DLGAP2: variants seen among roughly 807,000 people sequenced by gnomAD.
DLGAP2 encodes disks large-associated protein 2.
A neutral mutation model predicts 100.3 loss-of-function variants in DLGAP2; 26 were observed. The ratio of observed to expected loss-of-function variants is 0.26; its 90% CI spans 0.19 to 0.36. DLGAP2 has a LOEUF of 0.36. Ranked by LOEUF, DLGAP2 falls within the 10% of genes least tolerant of loss-of-function variation. DLGAP2 has a pLI of 1.00. For missense variants in DLGAP2, 1,858 were observed against 1,453.2 expected (o/e 1.28, Z -4.53); for synonymous variants, 886 against 630.1 (o/e 1.41, Z -6.08).
intron 1 of DLGAP2, among the ~76,000 whole-genome samples, chr8:813,495 T>C (rs1240214680): frequency 6.6e-6 from 1 of 152,232 alleles, no homozygotes; most frequent in Non-Finnish European, 1.5e-5. Context: ...ACTCTGCTCT[T>C]CCAGGCACCC....
chr8:1,422,363 G>A (rs1364818903), intron 3 of DLGAP2, among the ~76,000 whole-genome samples: 1 of 152,152 alleles, frequency 6.6e-6, no homozygotes, highest in Non-Finnish European at 1.5e-5. Flanking sequence ...TCCACTGCAA[G>A]CGAAGTTACA....
chr8:1,088,052 C>T (rs1434935095), intron 2 of DLGAP2, among the ~76,000 whole-genome samples: 1 of 152,238 alleles, frequency 6.6e-6, no homozygotes, highest in Non-Finnish European at 1.5e-5. Flanking sequence ...TGCCTTCACA[C>T]CACTGCCAAA....
chr8:1,669,714 C>G, intron 9 of DLGAP2, 29 bp from the exon 10 acceptor site: 1 of 780,888 alleles, frequency 1.3e-6, no homozygotes, highest in African/African-American at 1.7e-5. Flanking sequence ...AACCAGGTCT[C>G]CACACTGTGG....
chr8:978,118 T>G (rs71516127), intron 2 of DLGAP2, among the ~76,000 whole-genome samples: 5,889 of 21,328 alleles, frequency 0.28, no homozygotes, highest in Admixed American at 0.31. Context: ...TGCAGTGAGG[T>G]GCTGGGTTCT....
chr8:958,493 G>A lies in DLGAP2; in HGVS notation c.73+50527G>A, dbSNP rs915463134. Reference sequence around the variant, plus strand: ...TTCTGTGGGGATGAGAGATGGAAGCGGCTCATTCAGACATCTTTCTGGAAT... The same window carrying A: ...TTCTGTGGGGATGAGAGATGGAAGCAGCTCATTCAGACATCTTTCTGGAAT... On this transcript the variant is annotated intron_variant, in intron 2 of 14. Transcript: ENST00000637795. 1.2e-4 allele frequency among the ~76,000 whole-genome samples: 18 copies of A among 151,332 alleles called. 1 individual carries two copies. Among genetic ancestry groups the A allele is most frequent in the East Asian group, 5.8e-4 (3 of 5,152 alleles).
chr8:982,275 C>A (rs36125806), intron 2 of DLGAP2, among the ~76,000 whole-genome samples: 43,121 of 152,206 alleles, frequency 0.28, 7,386 homozygotes, highest in Admixed American at 0.39. Context: ...TGCACATGAA[C>A]CCTTGGAACC....
At chr8:1,474,278 T>C (rs1316770536) in intron 3 of DLGAP2, among the ~76,000 whole-genome samples, 1 of 152,214 alleles carries the variant, frequency 6.6e-6, no homozygotes, top group Admixed American at 6.5e-5. Flanking sequence ...TATCCACTTA[T>C]TGATTGATGG....
intron 2 of DLGAP2, among the ~76,000 whole-genome samples, chr8:1,223,345 C>T (rs957933329): frequency 6.6e-6 from 1 of 152,180 alleles, no homozygotes; most frequent in African/African-American, 2.4e-5. Context: ...AGAAGCGCTT[C>T]CCGTGTGCAT....
intron 3 of DLGAP2, among the ~76,000 whole-genome samples, chr8:1,305,710 A>C (rs539682300): frequency 6.6e-6 from 1 of 152,222 alleles, no homozygotes; most frequent in African/African-American, 2.4e-5. Flanking sequence ...CACTGAAAAC[A>C]TACTGTGTAC....
chr8:1,451,889 C>T lies in DLGAP2; in HGVS notation c.107-49477C>T, dbSNP rs1563157794. Among the ~76,000 whole-genome samples, 3 of 152,256 alleles carry T rather than the reference C, an allele frequency of 2.0e-5. No homozygotes were observed. The South Asian group carries it at 6.2e-4, about 31-fold the overall frequency. Reference sequence around the variant, plus strand: ...ATCCTGTTCCCTCCACCAGAGCTCACGGGCTCCCACACACACGGCCCAGGC... The same window carrying T: ...ATCCTGTTCCCTCCACCAGAGCTCATGGGCTCCCACACACACGGCCCAGGC... On this transcript the variant is annotated intron_variant, in intron 3 of 14. Coordinates refer to ENST00000637795, the MANE Select transcript of DLGAP2 (RefSeq NM_001346810.2).
At chr8:1,196,384 G>T (rs1206021058) in intron 2 of DLGAP2, among the ~76,000 whole-genome samples, 1 of 152,166 alleles carries the variant, frequency 6.6e-6, no homozygotes, top group Admixed American at 6.5e-5. Flanking sequence ...TCAGCACAGG[G>T]GCTAACACAG....
chr8:1,194,373 G>A (rs1333128073), intron 2 of DLGAP2, among the ~76,000 whole-genome samples: 11 of 152,084 alleles, frequency 7.2e-5, no homozygotes, highest in African/African-American at 2.4e-4. Flanking sequence ...TCGGTTGGCG[G>A]CCGGCCCACA....
At chr8:1,196,905 T>C (rs1462087616) in intron 2 of DLGAP2, among the ~76,000 whole-genome samples, 1 of 152,094 alleles carries the variant, frequency 6.6e-6, no homozygotes, top group African/African-American at 2.4e-5. Flanking sequence ...TGGGAATTGG[T>C]CGCTGTGATT....
At chr8:828,040 GACAGACA>G (rs935663018) in intron 1 of DLGAP2, among the ~76,000 whole-genome samples, 10 of 152,160 alleles carry the variant, frequency 6.6e-5, no homozygotes, top group African/African-American at 2.4e-4. Flanking sequence ...AGGTGTGGGT[GACAGACA>G]TCAAGTACTT....
At chr8:1,245,116 G>C (rs1453936859) in intron 2 of DLGAP2, among the ~76,000 whole-genome samples, 1 of 152,232 alleles carries the variant, frequency 6.6e-6, no homozygotes, top group Admixed American at 6.5e-5. Context: ...AGATCCTGGA[G>C]AAACTGGAAC....
chr8:1,074,990 C>T (rs941011752), intron 2 of DLGAP2, among the ~76,000 whole-genome samples: 1 of 150,670 alleles, frequency 6.6e-6, no homozygotes, highest in African/African-American at 2.5e-5. Context: ...GACCATGTCT[C>T]ACCAACAAAC....
At chr8:1,386,442 T>A (rs1796221292) in intron 3 of DLGAP2, among the ~76,000 whole-genome samples, 1 of 152,162 alleles carries the variant, frequency 6.6e-6, no homozygotes, top group African/African-American at 2.4e-5. Context: ...ATGGCTTCCA[T>A]CTTCTCCAGA....
chr8:800,664 ATG>A (rs1563038036), intron 1 of DLGAP2, among the ~76,000 whole-genome samples: 1 of 151,912 alleles, frequency 6.6e-6, no homozygotes. Flanking sequence ...ATGCGTGTGC[ATG>A]TGTGTACATG....
At chr8:1,030,168 T>C (rs1007806839) in intron 2 of DLGAP2, among the ~76,000 whole-genome samples, 3 of 152,234 alleles carry the variant, frequency 2.0e-5, no homozygotes, top group African/African-American at 4.8e-5. Context: ...ACAGTCTAAG[T>C]GGGAGATCCA....
Sources: allele counts gnomAD v4.1 joint callset (sites outside exome capture counted in the v4.1 genomes callset), GRCh38; gene constraint gnomAD v4.1.1; transcripts MANE v1.5; gene names NCBI Gene and HGNC (gene_info 2026-07-23, HGNC 2026-07-21).